The following VWA3A variants were observed in gnomAD, a reference collection of about 807,000 sequenced individuals.
VWA3A encodes the protein von Willebrand factor A domain containing 3A.
In VWA3A, 134 loss-of-function variants were observed where a neutral mutation model predicts 160.4. That is an observed-to-expected ratio of 0.84 (90% CI 0.73 to 0.96). VWA3A has a LOEUF of 0.96. Among genes scored for constraint, VWA3A ranks in the 40% least tolerant of loss-of-function variants. The pLI, the probability that VWA3A is intolerant of heterozygous loss-of-function variation, is 0.00. For synonymous variants in VWA3A, 476 were observed against 543.4 expected, an observed-to-expected ratio of 0.88 and a Z score of 1.72; for missense variants, 1,310 against 1,447.9, an observed-to-expected ratio of 0.90 and a Z score of 1.55.
At chr16:22,141,727 C>G (rs771547126) in intron 24 of VWA3A, 35 bp downstream of exon 24, 1 of 1,548,380 alleles carries the variant, frequency 6.5e-7, no homozygotes, top group Non-Finnish European at 8.8e-7. Flanking sequence ...CTGGACAGCC[C>G]CCTGGCCCTG....
intron 7 of VWA3A, among the ~76,000 whole-genome samples, 198 bp from the exon 8 acceptor site, chr16:22,110,690 A>G (rs1222714429): frequency 6.6e-6 from 1 of 152,200 alleles, no homozygotes; most frequent in Non-Finnish European, 1.5e-5. Context: ...GGCAGCCCAG[A>G]TGCTCATCCC....
intron 22 of VWA3A, among the ~76,000 whole-genome samples, chr16:22,138,717 C>T (rs2046090166): frequency 6.6e-6 from 1 of 152,054 alleles, no homozygotes; most frequent in Admixed American, 6.6e-5. Flanking sequence ...GTCCTCTGTC[C>T]TCCCCCAACC....
intron 8 of VWA3A, among the ~76,000 whole-genome samples, chr16:22,111,512 G>T (rs922928196): frequency 5.9e-5 from 9 of 151,618 alleles, no homozygotes; most frequent in African/African-American, 2.2e-4. Flanking sequence ...TTTAGACAGG[G>T]TCTCTGTTGC....
At chr16:22,113,837 G>T (rs184134801) in intron 8 of VWA3A, among the ~76,000 whole-genome samples, 1 of 151,736 alleles carries the variant, frequency 6.6e-6, no homozygotes, top group Non-Finnish European at 1.5e-5. Context: ...GGCCTCAAGT[G>T]GTCCTCCCGC....
At chr16:22,118,652 C>G (rs754522127) in intron 11 of VWA3A, among the ~76,000 whole-genome samples, 1 of 152,222 alleles carries the variant, frequency 6.6e-6, no homozygotes, top group African/African-American at 2.4e-5. Context: ...TGCCACTGCA[C>G]TCCAGCCTGG....
chr16:22,097,653 T>C lies in VWA3A; in HGVS notation c.183T>C (p.Asn61=). ...NMNGLGQNSD[N]GLLVTHVNQT... ...ATGGACTTGGGCAAAATTCGGACAA[T>C]GGATTATTGGTTACACATGTTAACC... is the stretch of plus-strand genomic sequence containing the variant. The change falls in exon 3 of 34, where the codon AAT becomes AAC. Residue 61 remains asparagine, a synonymous_variant. Coordinates refer to ENST00000389398, the MANE Select transcript of VWA3A (RefSeq NM_173615.5). 6.4e-7 allele frequency: 1 copy of C among 1,551,660 alleles called. No homozygotes were observed. The highest frequency in any genetic ancestry group is 8.7e-7 in the Non-Finnish European group (1 of 1,146,952).
Position 22,123,172 on chromosome 16 carries a change from G to A in VWA3A, c.1437+7G>A. The A allele has an allele frequency of 6.3e-7, 1 of 1,595,924 alleles. No individual in the cohort carries two copies. The highest frequency in any genetic ancestry group is 8.5e-7 in the Non-Finnish European group (1 of 1,170,550). The stretch of plus-strand genomic sequence containing the variant: ...CTTCCTCTATAAGTACCAGGTCAGT[G>A]ATGGGTTCAATCAGTCAGAAAATGG... On this transcript the variant is annotated splice_region_variant and intron_variant, in intron 15 of 33. Coordinates refer to ENST00000389398, the MANE Select transcript of VWA3A (RefSeq NM_173615.5).
At chr16:22,148,128 C>G in intron 27 of VWA3A, 34 bp from the exon 28 acceptor site, 1 of 1,558,852 alleles carries the variant, frequency 6.4e-7, no homozygotes. Flanking sequence ...CCCCTCACTC[C>G]CTCCCTGCCT....
intron 1 of VWA3A, among the ~76,000 whole-genome samples, chr16:22,094,890 C>G (rs1031090940): frequency 1.3e-4 from 19 of 150,922 alleles, no homozygotes; most frequent in African/African-American, 4.1e-4. Context: ...TCACTTGAAC[C>G]TGGGAGGTGG....
intron 1 of VWA3A, among the ~76,000 whole-genome samples, chr16:22,095,719 G>A (rs960940797): frequency 2.0e-5 from 3 of 151,804 alleles, no homozygotes; most frequent in African/African-American, 7.3e-5. Context: ...CACCACACCT[G>A]GCTAATTTAT....
intron 17 of VWA3A, among the ~76,000 whole-genome samples, chr16:22,127,069 T>C (rs1219649707): frequency 7.3e-5 from 11 of 149,834 alleles, no homozygotes; most frequent in Non-Finnish European, 1.6e-4. Context: ...TTATATATAA[T>C]TAAATATAGT....
intron 3 of VWA3A, among the ~76,000 whole-genome samples, chr16:22,099,587 C>G (rs2045376664): frequency 6.6e-6 from 1 of 152,232 alleles, no homozygotes; most frequent in Admixed American, 6.5e-5. Flanking sequence ...TAAGTATTTG[C>G]AGTAATTATG....
chr16:22,118,840 T>G (rs1411649293), intron 11 of VWA3A, 62 bp from the exon 12 acceptor site: 2 of 1,602,194 alleles, frequency 1.2e-6, no homozygotes, highest in Non-Finnish European at 1.7e-6. Context: ...TGCCCCTTCC[T>G]GGGTTGACCC....
intron 1 of VWA3A, among the ~76,000 whole-genome samples, chr16:22,094,979 A>C (rs1367080953): frequency 6.6e-6 from 1 of 151,958 alleles, no homozygotes; most frequent in Non-Finnish European, 1.5e-5. Context: ...AAAAAAAAAA[A>C]AAAAAACCAA....
chr16:22,116,985 C>T (rs2045660142), intron 10 of VWA3A, 118 bp downstream of exon 10: 2 of 1,414,122 alleles, frequency 1.4e-6, no homozygotes, highest in Middle Eastern at 1.8e-4. Flanking sequence ...GCACCTGTCC[C>T]TGTGCCTGGT....
In VWA3A at chr16:22,119,038, C is replaced by A. The variant is rs749761023; in HGVS notation, c.1116+11C>A. 6.2e-7 allele frequency: 1 copy of A among 1,600,392 alleles called. No individual in the cohort carries two copies. Among genetic ancestry groups the A allele is most frequent in the East Asian group, 2.3e-5 (1 of 44,030 alleles). On this transcript the variant is annotated intron_variant, in intron 12 of 33. Coordinates refer to ENST00000389398, the MANE Select transcript of VWA3A (RefSeq NM_173615.5). Reference sequence around the variant, plus strand: ...TGCACCATGGAGGAGGTAGGTGGTGCGAGTGTCAATTCTGGGGCCTTCTCC... The same window carrying A: ...TGCACCATGGAGGAGGTAGGTGGTGAGAGTGTCAATTCTGGGGCCTTCTCC...
In VWA3A at chr16:22,116,760, C is replaced by G; in HGVS notation, c.817C>G (p.Pro273Ala). ...DSLVAIMRSC[P>A]DQPSEILSDY... ...ACTTCTCTTCTGCCTTCTCCACAGC[C>G]CAGATCAGCCTTCTGAAATCCTGTC... The change falls in exon 10 of 34, where the codon CCA becomes GCA. Residue 273 changes from proline (P) to alanine (A), a missense_variant and splice_region_variant. Physicochemically the swap from Pro to Ala is conservative, Grantham distance 27. Transcript: ENST00000389398. The G allele has an allele frequency of 6.2e-7, 1 of 1,612,672 alleles. No homozygotes were observed. Among genetic ancestry groups the G allele is most frequent in the African/African-American group, 1.3e-5 (1 of 75,060 alleles).
rs983031961 is a variant in VWA3A, at chr16:22,092,547, C to T, written c.-91C>T. On this transcript the variant is annotated 5_prime_UTR_variant, in exon 1 of 34. Transcript: ENST00000389398. ...CAGGGCAAGCTTCGCTGCTGAGTTG[C>T]TTGGAGGAGCTTGGAGAAACCAGAA... 2.7e-6 allele frequency: 4 copies of T among 1,509,034 alleles called. No individual in the cohort carries two copies. The highest frequency in any genetic ancestry group is 1.4e-5 in the African/African-American group (1 of 72,318). 93.5% of individuals were successfully genotyped at this position (1,509,034 alleles called of 1,614,324 possible).
Position 22,111,814 on chromosome 16 carries a change from G to A in VWA3A, c.689+820G>A, listed in dbSNP as rs1487223702. On this transcript the variant is annotated intron_variant, in intron 8 of 33. Transcript: ENST00000389398. ...TTTATTTTTGTAAAGATGGGATCTC[G>A]CTATGTTGTCCAGGCTGGTCCTGAC... Among the ~76,000 whole-genome samples, 3 of 152,054 alleles carry A rather than the reference G, an allele frequency of 2.0e-5. No homozygotes were observed. The East Asian group carries it at 5.8e-4, about 29-fold the overall frequency.
Sources: gnomAD v4.1 joint callset for allele counts (sites outside exome capture counted in the v4.1 genomes callset) on GRCh38, gnomAD v4.1.1 for gene constraint, MANE v1.5 for transcripts, NCBI Gene and HGNC (gene_info 2026-07-23, HGNC 2026-07-21) for gene names.